P4HA1: variants seen among roughly 807,000 people sequenced by gnomAD.
P4HA1 encodes the protein prolyl 4-hydroxylase subunit alpha-1.
In P4HA1, 24 loss-of-function variants were observed where a neutral mutation model predicts 72.8. The ratio of observed to expected loss-of-function variants is 0.33; its 90% CI spans 0.24 to 0.46. The LOEUF is 0.46. Among genes scored for constraint, P4HA1 ranks in the 20% least tolerant of loss-of-function variants. The probability of loss-of-function intolerance (pLI) is 1.00; values close to 1 mark genes in which losing one functional copy is unlikely to be tolerated. For synonymous variants in P4HA1, 201 were observed against 218.8 expected (o/e 0.92, Z 0.72); for missense variants, 446 against 640.6 (o/e 0.70, Z 3.28).
intron 9 of P4HA1, among the ~76,000 whole-genome samples, chr10:73,044,656 AT>A (rs1840810961): frequency 1.3e-5 from 2 of 152,264 alleles, no homozygotes; most frequent in South Asian, 4.1e-4. Context: ...CTGCTGCTTT[AT>A]TTCCCCCTTT....
intron 12 of P4HA1, among the ~76,000 whole-genome samples, chr10:73,013,883 A>G (rs1345629763): frequency 6.6e-6 from 1 of 152,150 alleles, no homozygotes; most frequent in Non-Finnish European, 1.5e-5. Flanking sequence ...AGTTTACTGA[A>G]ATAATGTGTA....
intron 6 of P4HA1, among the ~76,000 whole-genome samples, chr10:73,051,544 C>T (rs1034351263): frequency 6.6e-6 from 1 of 152,056 alleles, no homozygotes; most frequent in Non-Finnish European, 1.5e-5. Context: ...TGGATCACCT[C>T]AGGTCAGGAG....
At chr10:73,069,078 AT>A in intron 4 of P4HA1, 95 bp from the exon 5 acceptor site, 1 of 922,894 alleles carries the variant, frequency 1.1e-6, no homozygotes, top group Non-Finnish European at 1.6e-6. Context: ...CTATTTTATT[AT>A]TTTCTACCAC....
At chr10:73,046,558 T>C (rs1206938774) in intron 8 of P4HA1, among the ~76,000 whole-genome samples, 1 of 152,198 alleles carries the variant, frequency 6.6e-6, no homozygotes, top group Non-Finnish European at 1.5e-5. Flanking sequence ...ACGGTATTCT[T>C]TCAGTAAAAA....
At position 73,037,554 on chromosome 10, in the gene P4HA1, TATATATATATATATATA is replaced by T. The variant is rs1229772278; in HGVS notation, c.1149-7201_1149-7185del. Among the ~76,000 whole-genome samples, 242 of 33,106 alleles carry T rather than the reference TATATATATATATATATA, an allele frequency of 7.3e-3. 2 individuals are homozygous for T. Among genetic ancestry groups the T allele is most frequent in the African/African-American group, 0.022 (187 of 8,498 alleles). The allele number at this position is 33,106 out of a possible 152,430, so 21.7% of individuals were successfully genotyped here. On this transcript the variant is annotated intron_variant, in intron 9 of 14. Coordinates refer to ENST00000394890, the MANE Select transcript of P4HA1 (RefSeq NM_001017962.3). ...ATATATATATATATATATATATATATATATATATATATATATATTTTTTTTTTTTTTTTTTTACAAAG... is the reference window on the plus strand; with the variant it reads ...ATATATATATATATATATATATATATTTTTTTTTTTTTTTTTTTTACAAAG...
intron 1 of P4HA1, among the ~76,000 whole-genome samples, chr10:73,095,227 TAAAAA>T (rs35159575): frequency 0.12 from 7,885 of 67,152 alleles, 334 homozygotes; most frequent in East Asian, 0.35. Flanking sequence ...GCTCACAAGC[TAAAAA>T]AAAAAAAAAA....
At chr10:73,027,772 G>C (rs1049668816) in intron 10 of P4HA1, among the ~76,000 whole-genome samples, 1 of 141,858 alleles carries the variant, frequency 7.0e-6, no homozygotes, top group African/African-American at 2.6e-5. Flanking sequence ...AAGGAAGGAA[G>C]GAAGGAAGCA....
intron 10 of P4HA1, 52 bp from the exon 11 acceptor site, chr10:73,016,951 C>T: frequency 7.0e-7 from 1 of 1,419,518 alleles, no homozygotes; most frequent in Non-Finnish European, 9.8e-7. Context: ...GATTACTATT[C>T]AAAAAAAATC....
intron 4 of P4HA1, among the ~76,000 whole-genome samples, chr10:73,069,493 A>G (rs1294548892): frequency 6.6e-6 from 1 of 152,190 alleles, no homozygotes; most frequent in Admixed American, 6.5e-5. Flanking sequence ...GAGAAGGAAG[A>G]GATATTAACT....
chr10:73,011,148 C>A, intron 12 of P4HA1, 111 bp from the exon 13 acceptor site: 1 of 789,940 alleles, frequency 1.3e-6, no homozygotes, highest in Non-Finnish European at 2.1e-6. Context: ...TGGACTTGTT[C>A]TTATATAGCA....
At chr10:73,071,706 G>A (rs930736686) in intron 4 of P4HA1, among the ~76,000 whole-genome samples, 2 of 151,640 alleles carry the variant, frequency 1.3e-5, no homozygotes, top group African/African-American at 4.8e-5. Flanking sequence ...TAAATTGATT[G>A]CAGATAAAGA....
chr10:73,090,216 C>T lies in P4HA1; in HGVS notation c.-33+6550G>A, dbSNP rs141123445. Among the ~76,000 whole-genome samples the T allele has an allele frequency of 3.9e-3, 594 of 151,658 alleles. 4 individuals carry two copies. The highest frequency in any genetic ancestry group is 0.013 in the African/African-American group (554 of 41,334). On this transcript the variant is annotated intron_variant, in intron 1 of 14. Coordinates refer to ENST00000394890, the MANE Select transcript of P4HA1 (RefSeq NM_001017962.3). ...GCACAATCACAGTTCATTGAAGACT[C>T]AACCTCCCCAGCTCAAGCAATCCTC...
At chr10:73,025,200 A>G (rs923910010) in intron 10 of P4HA1, among the ~76,000 whole-genome samples, 1 of 152,220 alleles carries the variant, frequency 6.6e-6, no homozygotes, top group Non-Finnish European at 1.5e-5. Context: ...TTTTAGGCCA[A>G]TATCGCTGAT....
chr10:73,059,296 A>C (rs1841242219), intron 5 of P4HA1, among the ~76,000 whole-genome samples: 1 of 151,724 alleles, frequency 6.6e-6, no homozygotes, highest in Non-Finnish European at 1.5e-5. Context: ...ACATAATTAA[A>C]AACAATAAAT....
chr10:73,095,866 A>G (rs887703969), intron 1 of P4HA1, among the ~76,000 whole-genome samples: 1 of 152,224 alleles, frequency 6.6e-6, no homozygotes, highest in Non-Finnish European at 1.5e-5. Context: ...TTTAGGAGAA[A>G]GAGTCTCACA....
intron 1 of P4HA1, among the ~76,000 whole-genome samples, chr10:73,094,422 A>G (rs1476952195): frequency 2.6e-5 from 4 of 152,164 alleles, no homozygotes; most frequent in South Asian, 2.1e-4. Flanking sequence ...GTGACATACA[A>G]AATTCCATGT....
intron 9 of P4HA1, among the ~76,000 whole-genome samples, chr10:73,040,767 T>C (rs1369115088): frequency 6.6e-6 from 1 of 152,150 alleles, no homozygotes; most frequent in Non-Finnish European, 1.5e-5. Context: ...CCACCACTCC[T>C]GGCCGTAATT....
rs549952441 is a variant in P4HA1, at chr10:73,016,738, C to T, written c.1302+108G>A. On this transcript the variant is annotated intron_variant, in intron 11 of 14. Transcript: ENST00000394890. ...GTTGCAGTGAGCCAAGATCGTGCTA[C>T]TGCACTCCAGCCTGGGTGACAGAGT... The T allele has an allele frequency of 2.4e-4, 181 of 747,992 alleles. 1 individual carries two copies. The South Asian group carries it at 2.7e-3, about 11-fold the overall frequency. The allele number at this position is 747,992 out of a possible 1,614,324, so 46.3% of individuals were successfully genotyped here.
intron 9 of P4HA1, among the ~76,000 whole-genome samples, chr10:73,039,506 A>C (rs1215352172): frequency 6.6e-6 from 1 of 151,950 alleles, no homozygotes; most frequent in Non-Finnish European, 1.5e-5. Flanking sequence ...ATGGGGTTTC[A>C]CTGTGTTAGC....
Sources: allele counts gnomAD v4.1 joint callset (sites outside exome capture counted in the v4.1 genomes callset), GRCh38; gene constraint gnomAD v4.1.1; transcripts MANE v1.5; gene names NCBI Gene and HGNC (gene_info 2026-07-23, HGNC 2026-07-21).